Variants in POU5F1 observed in about 807,000 individuals in gnomAD.
The protein encoded by POU5F1 is POU domain, class 5, transcription factor 1.
Under a neutral mutation model 38.3 loss-of-function variants are expected in POU5F1, and 6 were observed. The ratio of observed to expected loss-of-function variants is 0.16; its 90% CI spans 0.09 to 0.31. The LOEUF is 0.31. POU5F1 is among the 10% of genes least tolerant of loss of function. The pLI is 1.00. For missense variants in POU5F1, 286 were observed against 462.6 expected (o/e 0.62, Z 3.50); for synonymous variants, 147 against 194.9 (o/e 0.75, Z 2.05).
intron 1 of POU5F1, 70 bp from the exon 2 acceptor site, chr6:31,166,117 G>T (rs9501063): frequency 6.2e-7 from 1 of 1,613,982 alleles, no homozygotes; most frequent in East Asian, 2.2e-5. Context: ...CTTTCCATTC[G>T]GGATTCAAGA....
rs1416797617 is a variant in POU5F1 at position 31,170,348 on chromosome 6, C to A, written c.273G>T (p.Glu91Asp). Reference sequence around the variant, plus strand: ...CTGCTTCGCCCTCAGGCTGAGAGGTCTCCAAGCCGCCTTGGGGCACTAGCC... The same window carrying A: ...CTGCTTCGCCCTCAGGCTGAGAGGTATCCAAGCCGCCTTGGGGCACTAGCC... ...GVGLVPQGGL[E>D]TSQPEGEAGV... The change falls in exon 1 of 5, where the codon GAG becomes GAT. Residue 91 changes from glutamate to aspartate, a missense_variant. Physicochemically the swap from Glu to Asp is conservative, Grantham distance 45 (BLOSUM62 2). This residue lies in a region of POU5F1 where 176 missense variants were observed against 184.8 expected (regional missense o/e 0.95). Coordinates refer to ENST00000259915, the MANE Select transcript of POU5F1 (RefSeq NM_002701.6). 3 of 1,612,640 alleles carry A rather than the reference C, an allele frequency of 1.9e-6. No homozygotes were observed. The highest frequency in any genetic ancestry group is 2.5e-6 in the Non-Finnish European group (3 of 1,179,856).
In POU5F1 at chr6:31,170,537, G is replaced by T; in HGVS notation, c.84C>A (p.Gly28=). ...GGDGPGGPEP[G]WVDPRTWLSF... ...TTAGCCAGGTCCGAGGATCAACCCA[G>T]CCCGGCTCCGGCCCCCCTGGCCCAT... Residue 28 remains glycine (G), a synonymous_variant, in exon 1 of 5, where the codon GGC becomes GGA. Coordinates refer to ENST00000259915, the MANE Select transcript of POU5F1 (RefSeq NM_002701.6). 2 of 1,577,356 alleles carry T rather than the reference G, an allele frequency of 1.3e-6. No individual in the cohort carries two copies. The highest frequency in any genetic ancestry group is 1.7e-6 in the Non-Finnish European group (2 of 1,162,328).
In POU5F1 at chr6:31,170,364, G is replaced by A; in HGVS notation, c.257C>T (p.Pro86Leu). The A allele has an allele frequency of 6.2e-7, 1 of 1,612,716 alleles. No homozygotes were observed. Among genetic ancestry groups the A allele is most frequent in the Non-Finnish European group, 8.5e-7 (1 of 1,179,842 alleles). Reference sequence around the variant, plus strand: ...CTGAGAGGTCTCCAAGCCGCCTTGGGGCACTAGCCCCACTCCAACCTGGGG... The same window carrying A: ...CTGAGAGGTCTCCAAGCCGCCTTGGAGCACTAGCCCCACTCCAACCTGGGG... ...CGPQVGVGLV[P>L]QGGLETSQPE... Residue 86 changes from proline (P) to leucine (L), a missense_variant, in exon 1 of 5, where the codon CCC (proline) becomes CTC (leucine). Pro to Leu is a moderately conservative substitution (Grantham distance 98). Coordinates refer to ENST00000259915, the MANE Select transcript of POU5F1 (RefSeq NM_002701.6).
chr6:31,170,567 T>C lies in POU5F1; in HGVS notation c.54A>G (p.Gly18=). ...GCTCCGGCCCCCCTGGCCCATCACC[T>C]CCACCACCTGGAGGGGGCGAGAAGG... ...DFAFSPPPGG[G]GDGPGGPEPG... Residue 18 remains glycine (G), a synonymous_variant, in exon 1 of 5, where the codon GGA becomes GGG. Transcript: ENST00000259915. 6.4e-7 allele frequency: 1 copy of C among 1,568,286 alleles called. No homozygotes were observed. The highest frequency in any genetic ancestry group is 1.2e-5 in the South Asian group (1 of 85,676).
chr6:31,165,087 A>T lies in POU5F1; in HGVS notation c.816+41T>A. The T allele has an allele frequency of 6.3e-7, 1 of 1,593,844 alleles. No homozygotes were observed. Among genetic ancestry groups the T allele is most frequent in the East Asian group, 2.3e-5 (1 of 43,536 alleles). On this transcript the variant is annotated intron_variant, in intron 4 of 4. Coordinates refer to ENST00000259915, the MANE Select transcript of POU5F1 (RefSeq NM_002701.6). This position sits in a 1 kb window ranked among gnomAD's most constrained non-coding sequence, Gnocchi z 6.5. ...GAGCTAGGGAAAGCGAGGTGGTGAC[A>T]GGGGAAAGAGATGGAGCCCGCAGAG...
In POU5F1 at chr6:31,165,797, C is replaced by G. The variant is rs2151103661; in HGVS notation, c.527-96G>C. On this transcript the variant is annotated intron_variant, in intron 2 of 4. Coordinates refer to ENST00000259915, the MANE Select transcript of POU5F1 (RefSeq NM_002701.6). This position sits in a 1 kb window ranked among gnomAD's most constrained non-coding sequence, Gnocchi z 6.5. Reference sequence around the variant, plus strand: ...GCTTACCACCTCTTCCCAGAGGGAGCTCAAAGCATCTTCTCCCTCTCCCTA... The same window carrying G: ...GCTTACCACCTCTTCCCAGAGGGAGGTCAAAGCATCTTCTCCCTCTCCCTA... The G allele has an allele frequency of 6.7e-7, 1 of 1,490,970 alleles. No homozygotes were observed. The highest frequency in any genetic ancestry group is 8.9e-7 in the Non-Finnish European group (1 of 1,119,218). The allele number at this position is 1,490,970 out of a possible 1,614,324, so 92.4% of individuals were successfully genotyped here. A position where few individuals can be genotyped will look rare whatever the true frequency, so the allele number is the denominator to read the frequency against.
At chr6:31,166,743 G>C in intron 1 of POU5F1, 1 of 1,178,818 alleles carries the variant, frequency 8.5e-7, no homozygotes, top group South Asian at 2.3e-5. Flanking sequence ...AGGATGTTTT[G>C]AGATTAGAGA....
chr6:31,169,135 C>G (rs1365192480), intron 1 of POU5F1, among the ~76,000 whole-genome samples: 2 of 152,064 alleles, frequency 1.3e-5, no homozygotes, highest in African/African-American at 4.8e-5. Flanking sequence ...CAGTTAAAAC[C>G]CGTTAAATAG....
chr6:31,167,960 C>A (rs998719943), intron 1 of POU5F1, among the ~76,000 whole-genome samples: 7 of 150,884 alleles, frequency 4.6e-5, no homozygotes, highest in African/African-American at 1.7e-4. Flanking sequence ...TTCTCCCCAC[C>A]AAGACGGAAT....
chr6:31,165,850 C>T lies in POU5F1; in HGVS notation c.526+77G>A. On this transcript the variant is annotated intron_variant, in intron 2 of 4. Transcript: ENST00000259915. This position sits in a 1 kb window ranked among gnomAD's most constrained non-coding sequence, Gnocchi z 6.5. ...CCTCTTCATGGGTGAGGGTAGTCTG[C>T]CCCTGCCCCTCCCCACTAGGTTCAG... The T allele has an allele frequency of 1.3e-6, 2 of 1,570,286 alleles. No individual in the cohort carries two copies. Among genetic ancestry groups the T allele is most frequent in the Admixed American group, 1.8e-5 (1 of 56,922 alleles).
At chr6:31,167,431 G>A (rs1303354092) in intron 1 of POU5F1, among the ~76,000 whole-genome samples, 10 of 151,828 alleles carry the variant, frequency 6.6e-5, no homozygotes, top group Admixed American at 6.6e-5. Flanking sequence ...AAAGCAGTCT[G>A]GGCGCAGTGG....
At position 31,165,004 on chromosome 6, in the gene POU5F1, C is replaced by T. The variant is rs1777109339; in HGVS notation, c.816+124G>A. 6.5e-7 allele frequency: 1 copy of T among 1,547,970 alleles called. No homozygotes were observed. Among genetic ancestry groups the T allele is most frequent in the African/African-American group, 1.4e-5 (1 of 73,032 alleles). The stretch of plus-strand genomic sequence containing the variant: ...ACATTAGAGAATGAGCTGAGACAGG[C>T]CTGACTGCTTGGACATTCTGTCCAA... On this transcript the variant is annotated intron_variant, in intron 4 of 4. Coordinates refer to ENST00000259915, the MANE Select transcript of POU5F1 (RefSeq NM_002701.6). The surrounding 1 kb of genome is among the most constrained non-coding windows in gnomAD (Gnocchi z 6.5).
chr6:31,167,446 G>C (rs1381051212), intron 1 of POU5F1, among the ~76,000 whole-genome samples: 1 of 151,422 alleles, frequency 6.6e-6, no homozygotes, highest in Non-Finnish European at 1.5e-5. Context: ...CAGTGGTCAT[G>C]CCTGTAATCC....
intron 1 of POU5F1, 156 bp downstream of exon 1, chr6:31,170,060 A>T (rs3130504): frequency 0.75 from 911,047 of 1,209,756 alleles, 344,630 homozygotes; most frequent in African/African-American, 0.85. Flanking sequence ...CAGGGCTGCC[A>T]GCAGTTGATA....
Position 31,170,297 on chromosome 6 carries a change from A to T in POU5F1, c.324T>A (p.Asp108Glu), listed in dbSNP as rs1582047617. The stretch of plus-strand genomic sequence containing the variant: ...CGGTGCAGGGCTCCGGGGAGGCCCC[A>T]TCGGAGTTGCTCTCCACCCCGACTC... ...EAGVGVESNS[D>E]GASPEPCTVT... Residue 108 changes from aspartate to glutamate, a missense_variant, in exon 1 of 5, where the codon GAT (aspartate) becomes GAA (glutamate). Coordinates refer to ENST00000259915, the MANE Select transcript of POU5F1 (RefSeq NM_002701.6). 1 of 1,612,742 alleles carries T rather than the reference A, an allele frequency of 6.2e-7. No individual in the cohort carries two copies. The highest frequency in any genetic ancestry group is 2.2e-5 in the East Asian group (1 of 44,868).
chr6:31,166,696 T>C, intron 1 of POU5F1: 3 of 1,174,730 alleles, frequency 2.6e-6, no homozygotes, highest in Non-Finnish European at 3.2e-6. Context: ...ATTTAATACC[T>C]GCAAAATTCT....
In POU5F1 at chr6:31,170,030, C is replaced by G; in HGVS notation, c.405+186G>C. On this transcript the variant is annotated intron_variant, in intron 1 of 4. Coordinates refer to ENST00000259915, the MANE Select transcript of POU5F1 (RefSeq NM_002701.6). ...TCTCTTCGAAATCCAGCTTCCACTT[C>G]CCACCTGGCCCCTGCCTGCCAGGGC... 6.6e-6 allele frequency: 6 copies of G among 903,892 alleles called. No homozygotes were observed. In the Middle Eastern group the frequency reaches 1.4e-3, roughly 211 times the overall value. The allele number at this position is 903,892 out of a possible 1,614,324, so 56.0% of individuals were successfully genotyped here.
intron 1 of POU5F1, 71 bp from the exon 2 acceptor site, chr6:31,166,118 G>C: frequency 6.2e-7 from 1 of 1,614,074 alleles, no homozygotes. Flanking sequence ...TTTCCATTCG[G>C]GATTCAAGAA....
At chr6:31,167,818 G>A (rs1777382753) in intron 1 of POU5F1, among the ~76,000 whole-genome samples, 1 of 152,190 alleles carries the variant, frequency 6.6e-6, no homozygotes, top group African/African-American at 2.4e-5. Flanking sequence ...TTTGAGCAAA[G>A]GACAAGAGTC....
Sources: allele counts gnomAD v4.1 joint callset (sites outside exome capture counted in the v4.1 genomes callset), GRCh38; gene constraint gnomAD v4.1.1; regional missense constraint gnomAD v4.1.1; non-coding constraint Gnocchi (gnomAD v3.1); transcripts MANE v1.5; gene names NCBI Gene and HGNC (gene_info 2026-07-23, HGNC 2026-07-21).